The following RNGTT variants were observed in gnomAD, a reference collection of about 807,000 sequenced individuals.
The protein encoded by RNGTT is RNA guanylyltransferase and 5'-phosphatase, also known as mRNA-capping enzyme.
A neutral mutation model predicts 79.3 loss-of-function variants in RNGTT; 33 were observed. The ratio of observed to expected loss-of-function variants is 0.42; its 90% CI spans 0.32 to 0.56. The LOEUF is 0.56. RNGTT is among the 20% of genes least tolerant of loss of function. The pLI is 0.17. For synonymous variants in RNGTT, 222 were observed against 235.9 expected (o/e 0.94, Z 0.54); for missense variants, 497 against 739.1 (o/e 0.67, Z 3.80).
intron 14 of RNGTT, among the ~76,000 whole-genome samples, chr6:88,621,488 T>C (rs1007858037): frequency 1.3e-5 from 2 of 152,098 alleles, no homozygotes; most frequent in African/African-American, 2.4e-5. Context: ...CCTCCCTTTC[T>C]CCTTCTTACT....
chr6:88,904,655 T>A, intron 6 of RNGTT, 60 bp downstream of exon 6: 1 of 1,487,280 alleles, frequency 6.7e-7, no homozygotes, highest in African/African-American at 1.4e-5. Context: ...TTTTTATAAA[T>A]CTCAATAAGC....
Position 88,844,372 on chromosome 6 carries a change from G to A in RNGTT, c.1254C>T (p.Ile418=), listed in dbSNP as rs777491786. 15 of 1,612,688 alleles carry A rather than the reference G, an allele frequency of 9.3e-6. No individual in the cohort carries two copies. The South Asian group carries it at 1.5e-4, about 17-fold the overall frequency. ...FSVRNKPFFD[I]CTSRKLLEGN... is the part of the protein sequence containing the mutation. Reference sequence around the variant, plus strand: ...TAAACTTTACCTTTCTTGAAGTACAGATGTCAAAAAACGGCTTATTTCTGA... The same window carrying A: ...TAAACTTTACCTTTCTTGAAGTACAAATGTCAAAAAACGGCTTATTTCTGA... Residue 418 remains isoleucine (I), a synonymous_variant, in exon 11 of 16, where the codon ATC becomes ATT. Transcript: ENST00000369485.
intron 12 of RNGTT, among the ~76,000 whole-genome samples, chr6:88,777,968 T>C (rs1778945405): frequency 6.6e-6 from 1 of 152,198 alleles, no homozygotes; most frequent in African/African-American, 2.4e-5. Context: ...AATTTTCTTC[T>C]ATACCTATTT....
In RNGTT at chr6:88,697,913, GAA is replaced by G. The variant is rs57394137; in HGVS notation, c.1440-19496_1440-19495del. ...TGATATATATATATGATATATATATGAAATACATATATATGATATATATATGA... is the reference window on the plus strand; with the variant it reads ...TGATATATATATATGATATATATATGATACATATATATGATATATATATGA... On this transcript the variant is annotated intron_variant, in intron 13 of 15. Transcript: ENST00000369485. Among the ~76,000 whole-genome samples the G allele has an allele frequency of 2.5e-4, 20 of 80,764 alleles. No homozygotes were observed. In the African/African-American group the frequency reaches 3.1e-3, roughly 12 times the overall value. The allele number at this position is 80,764 out of a possible 152,430, so 53.0% of individuals were successfully genotyped here. A position where few individuals can be genotyped will look rare whatever the true frequency, so the allele number is the denominator to read the frequency against.
intron 8 of RNGTT, among the ~76,000 whole-genome samples, chr6:88,888,925 G>A (rs1244902151): frequency 6.6e-6 from 1 of 152,208 alleles, no homozygotes; most frequent in African/African-American, 2.4e-5. Context: ...CTACTTGGGA[G>A]GCTGAGGCAG....
rs564849094 is a variant in RNGTT, at chr6:88,960,598, AAAG to A, written c.64+2745_64+2747del. 1.2e-4 allele frequency among the ~76,000 whole-genome samples: 19 copies of A among 152,304 alleles called. No individual in the cohort carries two copies. In the South Asian group the frequency reaches 3.9e-3, roughly 32 times the overall value. On this transcript the variant is annotated intron_variant, in intron 1 of 15. Coordinates refer to ENST00000369485, the MANE Select transcript of RNGTT (RefSeq NM_003800.5). The stretch of plus-strand genomic sequence containing the variant: ...AAAATACAAAAAAGAAAAGAAAAGA[AAAG>A]AAAAAAAGGAAAAAGGAAAAGAAAT...
chr6:88,922,737 G>C (rs1784202555), intron 4 of RNGTT, among the ~76,000 whole-genome samples: 1 of 152,090 alleles, frequency 6.6e-6, no homozygotes, highest in Non-Finnish European at 1.5e-5. Context: ...CACCATGTTA[G>C]TCAGGATGGT....
intron 2 of RNGTT, among the ~76,000 whole-genome samples, chr6:88,932,873 C>T (rs2127955323): frequency 6.6e-6 from 1 of 152,312 alleles, no homozygotes; most frequent in Admixed American, 6.5e-5. Context: ...TAAATTCATA[C>T]ATCTTCCACC....
chr6:88,818,256 C>T (rs986152205), intron 11 of RNGTT, among the ~76,000 whole-genome samples: 1 of 152,170 alleles, frequency 6.6e-6, no homozygotes, highest in African/African-American at 2.4e-5. Flanking sequence ...GAAACATAAG[C>T]TCAAGACATT....
intron 4 of RNGTT, among the ~76,000 whole-genome samples, chr6:88,928,041 C>T (rs1489502571): frequency 6.6e-6 from 1 of 150,990 alleles, no homozygotes; most frequent in African/African-American, 2.4e-5. Context: ...CCTGTCTCTA[C>T]AAAAAATAAA....
chr6:88,768,959 G>C (rs888241281), intron 13 of RNGTT, among the ~76,000 whole-genome samples: 1 of 152,084 alleles, frequency 6.6e-6, no homozygotes, highest in African/African-American at 2.4e-5. Flanking sequence ...CAAAAGTATA[G>C]AAAATATTTG....
intron 11 of RNGTT, among the ~76,000 whole-genome samples, chr6:88,813,190 G>A (rs746830068): frequency 2.0e-5 from 3 of 152,170 alleles, no homozygotes; most frequent in East Asian, 1.9e-4. Context: ...AACTGGAACC[G>A]ATATGGCCTA....
At chr6:88,701,566 CTG>C (rs67781583) in intron 13 of RNGTT, among the ~76,000 whole-genome samples, 40,096 of 151,796 alleles carry the variant, frequency 0.26, 9,207 homozygotes, top group African/African-American at 0.62. Context: ...ATGCAAGGCT[CTG>C]TGTTAAGTAT....
chr6:88,941,173 G>T lies in RNGTT; in HGVS notation c.72C>A (p.Phe24Leu). 6.3e-7 allele frequency: 1 copy of T among 1,590,160 alleles called. No homozygotes were observed. The highest frequency in any genetic ancestry group is 1.3e-5 in the African/African-American group (1 of 74,438). Residue 24 changes from phenylalanine (F) to leucine (L), a missense_variant, in exon 2 of 16, where the codon TTC becomes TTA. Coordinates refer to ENST00000369485, the MANE Select transcript of RNGTT (RefSeq NM_003800.5). ...GTCCTAACATTGTCTTCAGAGGTAAGAATCTTCCTAAACAACACAGATAGG... is the reference window on the plus strand; with the variant it reads ...GTCCTAACATTGTCTTCAGAGGTAATAATCTTCCTAAACAACACAGATAGG... Reference protein sequence around the residue: ...PRRGQPVAGRFLPLKTMLGPR... With the variant: ...PRRGQPVAGRLLPLKTMLGPR...
chr6:88,621,121 T>G (rs1772428158), intron 14 of RNGTT, among the ~76,000 whole-genome samples: 1 of 152,224 alleles, frequency 6.6e-6, no homozygotes, highest in Non-Finnish European at 1.5e-5. Flanking sequence ...GCACATTTGC[T>G]AGCCTCTGGC....
At chr6:88,659,608 A>AT (rs891421421) in intron 14 of RNGTT, among the ~76,000 whole-genome samples, 2 of 140,310 alleles carry the variant, frequency 1.4e-5, no homozygotes, top group African/African-American at 6.7e-5. Context: ...GAGAAAAAGA[A>AT]TTAAAAAAAA....
At chr6:88,789,080 A>G (rs925545527) in intron 12 of RNGTT, among the ~76,000 whole-genome samples, 4 of 152,200 alleles carry the variant, frequency 2.6e-5, no homozygotes, top group African/African-American at 9.7e-5. Context: ...ATCTTAATAT[A>G]GTATTTTTTA....
chr6:88,706,601 A>G lies in RNGTT; in HGVS notation c.1440-28182T>C, dbSNP rs185638258. On this transcript the variant is annotated intron_variant, in intron 13 of 15. Coordinates refer to ENST00000369485, the MANE Select transcript of RNGTT (RefSeq NM_003800.5). ...AACTCTTTCGACTAGCACTTTTTCA[A>G]ATAGAATTCTACTGTAATACCTGAA... Among the ~76,000 whole-genome samples, 296 of 152,212 alleles carry G rather than the reference A, an allele frequency of 1.9e-3. 4 individuals carry two copies. The highest frequency in any genetic ancestry group is 7.0e-3 in the African/African-American group (291 of 41,526).
At chr6:88,676,850 G>A (rs1348960234) in intron 14 of RNGTT, among the ~76,000 whole-genome samples, 9 of 152,122 alleles carry the variant, frequency 5.9e-5, no homozygotes, top group East Asian at 5.8e-4. Context: ...CAGTCATTAC[G>A]GAAATGTAAT....
Sources: gnomAD v4.1 joint callset for allele counts (sites outside exome capture counted in the v4.1 genomes callset) on GRCh38, gnomAD v4.1.1 for gene constraint, MANE v1.5 for transcripts, NCBI Gene and HGNC (gene_info 2026-07-23, HGNC 2026-07-21) for gene names.